The following FSTL5 variants were observed in gnomAD, a reference collection of about 807,000 sequenced individuals.
FSTL5 encodes the protein follistatin like 5.
FSTL5 carries 62 observed loss-of-function variants against 89.1 expected under a neutral mutation model. The ratio of observed to expected loss-of-function variants is 0.70; its 90% CI spans 0.57 to 0.86. FSTL5 has a LOEUF of 0.86. Ranked by LOEUF, FSTL5 falls within the 40% of genes least tolerant of loss-of-function variation. FSTL5 has a pLI of 0.00. For synonymous variants in FSTL5, 383 were observed against 346.2 expected (o/e 1.11, Z -1.18); for missense variants, 1,057 against 1,001.6 (o/e 1.06, Z -0.75).
intron 6 of FSTL5, among the ~76,000 whole-genome samples, chr4:161,755,330 A>G (rs62330827): frequency 0.26 from 39,413 of 151,968 alleles, 6,647 homozygotes; most frequent in Non-Finnish European, 0.38. Context: ...TTTTTGAAAA[A>G]CACATTATGT....
chr4:161,663,622 T>G (rs1390414509), intron 6 of FSTL5, among the ~76,000 whole-genome samples: 1 of 152,162 alleles, frequency 6.6e-6, no homozygotes, highest in East Asian at 1.9e-4. Flanking sequence ...CAGGCTGGTA[T>G]TGAATGTCTG....
chr4:161,476,474 A>AT (rs1734155095), intron 13 of FSTL5, among the ~76,000 whole-genome samples: 1 of 152,128 alleles, frequency 6.6e-6, no homozygotes, highest in Non-Finnish European at 1.5e-5. Context: ...GGCGTGAGCC[A>AT]TATATACATG....
chr4:161,673,964 T>A (rs1023083338), intron 6 of FSTL5, among the ~76,000 whole-genome samples: 4 of 152,090 alleles, frequency 2.6e-5, no homozygotes, highest in South Asian at 4.1e-4. Context: ...AAGGCCATTT[T>A]AAGACATAAT....
intron 4 of FSTL5, among the ~76,000 whole-genome samples, chr4:161,818,446 T>G (rs2126847306): frequency 6.6e-6 from 1 of 152,290 alleles, no homozygotes; most frequent in African/African-American, 2.4e-5. Flanking sequence ...ATTCAGCTGG[T>G]CAACACAAGC....
intron 6 of FSTL5, among the ~76,000 whole-genome samples, chr4:161,691,678 C>T (rs1399080105): frequency 6.6e-6 from 1 of 152,126 alleles, no homozygotes; most frequent in African/African-American, 2.4e-5. Context: ...CATTTACTTA[C>T]ATCTTTAATT....
At chr4:162,013,164 G>A (rs575527019) in intron 3 of FSTL5, among the ~76,000 whole-genome samples, 5 of 150,884 alleles carry the variant, frequency 3.3e-5, no homozygotes, top group South Asian at 4.2e-4. Flanking sequence ...CAGCCTGGGC[G>A]ACACTGAAAG....
chr4:161,938,603 T>C (rs974131492), intron 3 of FSTL5, among the ~76,000 whole-genome samples: 5 of 152,002 alleles, frequency 3.3e-5, no homozygotes, highest in Admixed American at 2.6e-4. Flanking sequence ...ATGGATACAA[T>C]TGGGTGGTTG....
intron 4 of FSTL5, among the ~76,000 whole-genome samples, chr4:161,833,977 C>T (rs1172173825): frequency 2.6e-5 from 4 of 151,950 alleles, no homozygotes; most frequent in Non-Finnish European, 5.9e-5. Context: ...TTCCTAGCCT[C>T]GATGGTCTTT....
At chr4:161,946,447 G>T (rs1284718482) in intron 3 of FSTL5, among the ~76,000 whole-genome samples, 1 of 152,122 alleles carries the variant, frequency 6.6e-6, no homozygotes, top group Non-Finnish European at 1.5e-5. Context: ...TATTCTTACT[G>T]TGTTGCCTTT....
intron 15 of FSTL5, among the ~76,000 whole-genome samples, chr4:161,424,469 G>C (rs1200304775): frequency 6.8e-6 from 1 of 148,134 alleles, no homozygotes; most frequent in Non-Finnish European, 1.5e-5. Context: ...AATGTTTCCT[G>C]TAGAAGACTT....
At chr4:161,627,407 T>C (rs1735352172) in intron 7 of FSTL5, among the ~76,000 whole-genome samples, 1 of 152,206 alleles carries the variant, frequency 6.6e-6, no homozygotes, top group Non-Finnish European at 1.5e-5. Flanking sequence ...AATGCCATCG[T>C]ACTTAATACA....
chr4:161,590,133 A>C (rs1191810735), intron 7 of FSTL5, among the ~76,000 whole-genome samples: 2 of 152,242 alleles, frequency 1.3e-5, no homozygotes, highest in African/African-American at 4.8e-5. Flanking sequence ...TGCTCAAAAG[A>C]CATCAAGAAA....
intron 8 of FSTL5, among the ~76,000 whole-genome samples, chr4:161,572,585 C>T (rs1194862733): frequency 6.6e-6 from 1 of 151,942 alleles, no homozygotes; most frequent in Non-Finnish European, 1.5e-5. Context: ...TTATAGTTAC[C>T]AGAAAATAAG....
chr4:161,777,241 G>GTATA (rs1377922910), intron 4 of FSTL5, among the ~76,000 whole-genome samples: 2 of 24,646 alleles, frequency 8.1e-5, no homozygotes, highest in Non-Finnish European at 1.2e-4. Context: ...ATATTTCATT[G>GTATA]TGTATATATA....
chr4:161,925,048 C>T (rs144568105), intron 3 of FSTL5, among the ~76,000 whole-genome samples: 6 of 151,856 alleles, frequency 4.0e-5, no homozygotes, highest in South Asian at 2.1e-4. Flanking sequence ...CCCTTTGGGC[C>T]TTATTGGGTT....
At chr4:162,087,635 A>T (rs1223011760) in intron 2 of FSTL5, among the ~76,000 whole-genome samples, 1 of 152,144 alleles carries the variant, frequency 6.6e-6, no homozygotes, top group Non-Finnish European at 1.5e-5. Context: ...GCATTTGTGT[A>T]ATAAGCACAA....
intron 4 of FSTL5, among the ~76,000 whole-genome samples, chr4:161,877,475 A>AGT (rs1269364266): frequency 6.6e-6 from 1 of 151,706 alleles, no homozygotes; most frequent in Non-Finnish European, 1.5e-5. Context: ...TTCCTATAAT[A>AGT]TACATTTAAA....
intron 15 of FSTL5, among the ~76,000 whole-genome samples, chr4:161,419,796 C>T (rs1731919800): frequency 6.6e-6 from 1 of 152,116 alleles, no homozygotes; most frequent in Non-Finnish European, 1.5e-5. Flanking sequence ...CACTGTTATA[C>T]CAGTGACCTA....
chr4:161,686,296 C>A, intron 6 of FSTL5, among the ~76,000 whole-genome samples: 1 of 101,392 alleles, frequency 9.9e-6, no homozygotes, highest in Non-Finnish European at 1.8e-5. Flanking sequence ...TTCCCTCTTT[C>A]TCCTTTGCCA....
Sources: allele counts gnomAD v4.1 joint callset (sites outside exome capture counted in the v4.1 genomes callset), GRCh38; gene constraint gnomAD v4.1.1; transcripts MANE v1.5; gene names NCBI Gene and HGNC (gene_info 2026-07-23, HGNC 2026-07-21).